The following NEBL variants were observed in gnomAD, a reference collection of about 807,000 sequenced individuals.
NEBL encodes the protein LIM and SH3 protein 2.
Under a neutral mutation model 140.2 loss-of-function variants are expected in NEBL, and 122 were observed. The observed-to-expected ratio is 0.87, with a 90% CI of 0.75 to 1.01. NEBL has a LOEUF of 1.01. Among genes scored for constraint, NEBL ranks in the 50% least tolerant of loss-of-function variants. The pLI is 0.00. For missense variants in NEBL, 1,365 were observed against 1,231.3 expected (o/e 1.11, Z -1.62); for synonymous variants, 436 against 398.9 (o/e 1.09, Z -1.11).
At position 20,859,831 on chromosome 10, in the gene NEBL, C is replaced by A; in HGVS notation, c.685-5G>T. 1 of 1,338,238 alleles carries A rather than the reference C, an allele frequency of 7.5e-7. No homozygotes were observed. The highest frequency in any genetic ancestry group is 1.2e-5 in the South Asian group (1 of 82,926). 82.9% of individuals were successfully genotyped at this position (1,338,238 alleles called of 1,614,324 possible). A position where few individuals can be genotyped will look rare whatever the true frequency, so the allele number is the denominator to read the frequency against. ...AAATTTTTCTTTGTATTTAATCTGT[C>A]ATAAAAGAGAAATAGTACATGTAAC... On this transcript the variant is annotated splice_polypyrimidine_tract_variant and splice_region_variant and intron_variant, in intron 7 of 27. Coordinates refer to ENST00000377122, the MANE Select transcript of NEBL (RefSeq NM_006393.3).
intron 3 of NEBL, among the ~76,000 whole-genome samples, chr10:21,184,566 G>C (rs1035736624): frequency 5.3e-5 from 8 of 152,182 alleles, no homozygotes; most frequent in Non-Finnish European, 1.0e-4. Context: ...ATGGAGAAAA[G>C]AGCCTTCATT....
rs1836714312 is a variant in NEBL, at chr10:21,087,909, A to C, written c.165-67708T>G. On this transcript the variant is annotated intron_variant, in intron 2 of 6. Coordinates refer to the NEBL transcript ENST00000417816. Reference sequence around the variant, plus strand: ...TTAAATGGCTCTTGGTACACTCTGAAATAGGCAAATCGATTTCTGCCCTGA... The same window carrying C: ...TTAAATGGCTCTTGGTACACTCTGACATAGGCAAATCGATTTCTGCCCTGA... Among the ~76,000 whole-genome samples, 3 of 152,236 alleles carry C rather than the reference A, an allele frequency of 2.0e-5. 1 individual carries two copies. The South Asian group carries it at 6.2e-4, about 31-fold the overall frequency.
chr10:21,090,534 C>T (rs1836862715), intron 2 of NEBL, among the ~76,000 whole-genome samples: 1 of 152,154 alleles, frequency 6.6e-6, no homozygotes. Context: ...AACCTACCCC[C>T]ACAGATATTG....
chr10:20,873,391 T>C (rs1366815819), intron 5 of NEBL, among the ~76,000 whole-genome samples: 1 of 152,060 alleles, frequency 6.6e-6, no homozygotes, highest in African/African-American at 2.4e-5. Flanking sequence ...TGAGGGCCAA[T>C]AATTGCTTTT....
chr10:21,181,563 T>C (rs1226403411), intron 3 of NEBL, among the ~76,000 whole-genome samples: 1 of 152,134 alleles, frequency 6.6e-6, no homozygotes, highest in African/African-American at 2.4e-5. Flanking sequence ...ACCCCCTCTG[T>C]AATAGGATCA....
intron 3 of NEBL, among the ~76,000 whole-genome samples, chr10:20,990,277 TAAC>T (rs1268726857): frequency 6.6e-6 from 1 of 152,266 alleles, no homozygotes; most frequent in Non-Finnish European, 1.5e-5. Context: ...TTTGAAATGT[TAAC>T]AACACTTACA....
intron 3 of NEBL, among the ~76,000 whole-genome samples, chr10:20,997,062 AC>A (rs1837695239): frequency 6.6e-6 from 1 of 152,236 alleles, no homozygotes; most frequent in South Asian, 2.1e-4. Context: ...CTGTAACTGA[AC>A]ATAATTTTAG....
intron 3 of NEBL, among the ~76,000 whole-genome samples, chr10:20,962,477 C>T (rs938252778): frequency 6.6e-6 from 1 of 152,180 alleles, no homozygotes; most frequent in Non-Finnish European, 1.5e-5. Context: ...GCTGAAGTAG[C>T]GAAGATTTTT....
chr10:21,225,129 T>C (rs1194534378), intron 3 of NEBL, among the ~76,000 whole-genome samples: 2 of 152,212 alleles, frequency 1.3e-5, no homozygotes, highest in Non-Finnish European at 2.9e-5. Context: ...TATGATACTG[T>C]GGCTCTTGCA....
At chr10:21,053,577 A>G (rs594599) in intron 2 of NEBL, among the ~76,000 whole-genome samples, 60,051 of 152,034 alleles carry the variant, frequency 0.39, 11,947 homozygotes, top group Middle Eastern at 0.47. Context: ...AAGCCTACCC[A>G]TTGGATTCTT....
At chr10:21,030,352 C>A in intron 2 of NEBL, 2 of 620,938 alleles carry the variant, frequency 3.2e-6, no homozygotes, top group South Asian at 1.5e-5. Context: ...CCACACCCGG[C>A]AAAAGTCAAT....
chr10:20,824,878 A>G (rs868342263), intron 18 of NEBL, among the ~76,000 whole-genome samples: 12 of 152,318 alleles, frequency 7.9e-5, no homozygotes, highest in Admixed American at 2.0e-4. Context: ...AAACCACAGT[A>G]CATCGATGGG....
At chr10:21,149,723 C>T (rs1192768161) in intron 2 of NEBL, among the ~76,000 whole-genome samples, 3 of 152,204 alleles carry the variant, frequency 2.0e-5, no homozygotes, top group East Asian at 3.9e-4. Context: ...GTCACAAGCA[C>T]AGATAAAGCC....
At chr10:21,094,287 G>A (rs549345967) in intron 2 of NEBL, among the ~76,000 whole-genome samples, 58 of 152,146 alleles carry the variant, frequency 3.8e-4, no homozygotes, top group African/African-American at 1.3e-3. Flanking sequence ...CGGATCACGA[G>A]GTCAGGAGAT....
chr10:21,207,205 C>T (rs1841842093), intron 3 of NEBL, among the ~76,000 whole-genome samples: 1 of 151,968 alleles, frequency 6.6e-6, no homozygotes, highest in Admixed American at 6.6e-5. Context: ...AACTTCTGAC[C>T]TCAGGTGATT....
chr10:20,945,047 TTTAG>T (rs941746982), intron 4 of NEBL, among the ~76,000 whole-genome samples: 1 of 152,192 alleles, frequency 6.6e-6, no homozygotes, highest in African/African-American at 2.4e-5. Flanking sequence ...AAAAATACTT[TTTAG>T]TTACTCTTCA....
intron 2 of NEBL, among the ~76,000 whole-genome samples, chr10:21,069,470 G>C (rs990315632): frequency 2.6e-5 from 4 of 152,182 alleles, no homozygotes; most frequent in Non-Finnish European, 4.4e-5. Context: ...TTGTCAAGCT[G>C]TCCAGGTTGG....
intron 2 of NEBL, among the ~76,000 whole-genome samples, chr10:21,125,579 C>T (rs1288061769): frequency 1.3e-5 from 2 of 152,070 alleles, no homozygotes; most frequent in Admixed American, 6.5e-5. Context: ...TGTAGAAAAA[C>T]AAAGGTGGAT....
At chr10:21,105,899 C>T (rs1039631033) in intron 2 of NEBL, among the ~76,000 whole-genome samples, 73 of 152,134 alleles carry the variant, frequency 4.8e-4, no homozygotes, top group African/African-American at 1.3e-3. Flanking sequence ...TGAGATGGTA[C>T]CTCATTGTGG....
Sources: gnomAD v4.1 joint callset for allele counts (sites outside exome capture counted in the v4.1 genomes callset) on GRCh38, gnomAD v4.1.1 for gene constraint, MANE v1.5 for transcripts, NCBI Gene and HGNC (gene_info 2026-07-23, HGNC 2026-07-21) for gene names.